ZNF562: variants seen among roughly 807,000 people sequenced by gnomAD.
ZNF562 encodes the protein zinc finger protein 562.
A neutral mutation model predicts 17.5 loss-of-function variants in ZNF562; 13 were observed. The observed-to-expected ratio is 0.74, with a 90% confidence interval of 0.48 to 1.18. The LOEUF is 1.18. Ranked by LOEUF, ZNF562 falls within the 50% of genes most tolerant of loss-of-function variation. The pLI, the probability that ZNF562 is intolerant of heterozygous loss-of-function variation, is 0.00. For synonymous variants in ZNF562, 163 were observed against 165.4 expected (o/e 0.99, Z 0.11); for missense variants, 481 against 498.5 (o/e 0.96, Z 0.33).
chr19:9,648,341 C>T lies in ZNF562; in HGVS notation c.*4608G>A, dbSNP rs577209545. 6.6e-6 allele frequency: 1 copy of T among 152,282 alleles called. No homozygotes were observed. The highest frequency in any genetic ancestry group is 2.1e-4 in the South Asian group (1 of 4,830). 9.4% of individuals were successfully genotyped at this position (152,282 alleles called of 1,614,324 possible). A position where few individuals can be genotyped will look rare whatever the true frequency, so the allele number is the denominator to read the frequency against. ...TATTTTTGACAGAGTCGCACCCTGT[C>T]ACCCAGCATGGAGTGCAGTGGTGCA... On this transcript the variant is annotated 3_prime_UTR_variant, in exon 6 of 6. Transcript: ENST00000453372.
chr19:9,656,406 G>A, intron 5 of ZNF562, 141 bp downstream of exon 5: 1 of 799,868 alleles, frequency 1.3e-6, no homozygotes, highest in Non-Finnish European at 2.0e-6. Context: ...CTACTCGGGA[G>A]GCTGAGGCAA....
At chr19:9,673,747 T>A (rs1012625629) in intron 1 of ZNF562, among the ~76,000 whole-genome samples, 2 of 152,116 alleles carry the variant, frequency 1.3e-5, no homozygotes, top group South Asian at 4.2e-4. Flanking sequence ...GTTTTTTCCA[T>A]CTGAATGTAA....
At chr19:9,657,353 C>T (rs2043538911) in intron 4 of ZNF562, among the ~76,000 whole-genome samples, 1 of 147,058 alleles carries the variant, frequency 6.8e-6, no homozygotes, top group African/African-American at 2.5e-5. Flanking sequence ...GAGATCCTGC[C>T]ACTGCACCCC....
At chr19:9,660,686 G>A in intron 2 of ZNF562, 34 bp downstream of exon 2, 1 of 1,610,396 alleles carries the variant, frequency 6.2e-7, no homozygotes, top group Non-Finnish European at 8.5e-7. Flanking sequence ...ACCTAAAGCA[G>A]AATCTCTGAA....
At chr19:9,662,001 A>G (rs910112289) in intron 1 of ZNF562, among the ~76,000 whole-genome samples, 1 of 152,118 alleles carries the variant, frequency 6.6e-6, no homozygotes, top group African/African-American at 2.4e-5. Flanking sequence ...GGCTCAAACA[A>G]TCCTCCCACC....
intron 1 of ZNF562, among the ~76,000 whole-genome samples, chr19:9,669,734 G>GCACACA (rs71188835): frequency 0.05 from 5,400 of 108,964 alleles, 183 homozygotes; most frequent in East Asian, 0.1. Flanking sequence ...GCGCGCGCGC[G>GCACACA]CACACACACA....
intron 1 of ZNF562, chr19:9,674,544 GACA>G (rs2044330580): frequency 6.6e-6 from 1 of 150,724 alleles, no homozygotes; most frequent in Non-Finnish European, 1.5e-5. Context: ...AGGACATCAA[GACA>G]ACGCCAGATT....
At position 9,645,219 on chromosome 19, in the gene ZNF562, G is replaced by C. The variant is rs1294342736; in HGVS notation, c.*7730C>G. The stretch of plus-strand genomic sequence containing the variant: ...GTGCCACCACACCCAGCTAATTTTT[G>C]TATTTTTAGTAGAGATGGGGGTTCA... On this transcript the variant is annotated 3_prime_UTR_variant, in exon 6 of 6. Transcript: ENST00000453372. 2 of 152,038 alleles carry C rather than the reference G, an allele frequency of 1.3e-5. No individual in the cohort carries two copies. The highest frequency in any genetic ancestry group is 2.1e-4 in the South Asian group (1 of 4,816). The allele number at this position is 152,038 out of a possible 1,614,324, so 9.4% of individuals were successfully genotyped here.
chr19:9,674,117 G>T (rs1302018198), intron 1 of ZNF562, among the ~76,000 whole-genome samples: 6 of 152,216 alleles, frequency 3.9e-5, no homozygotes, highest in African/African-American at 1.4e-4. Context: ...TTCCCCGATG[G>T]CTAGGGTTAG....
At chr19:9,661,009 A>T (rs993879867) in intron 1 of ZNF562, 135 bp from the exon 2 acceptor site, 23 of 359,220 alleles carry the variant, frequency 6.4e-5, no homozygotes, top group Admixed American at 1.7e-4. Context: ...CAGTAATGAT[A>T]GTATTAATAA....
chr19:9,663,728 G>A (rs572504241), intron 1 of ZNF562, among the ~76,000 whole-genome samples: 1 of 151,696 alleles, frequency 6.6e-6, no homozygotes, highest in Non-Finnish European at 1.5e-5. Context: ...CCAGGCTGGA[G>A]TGCAGTGGCG....
intron 1 of ZNF562, among the ~76,000 whole-genome samples, chr19:9,667,189 G>A (rs181310446): frequency 1.2e-3 from 178 of 152,244 alleles, no homozygotes; most frequent in Non-Finnish European, 1.6e-3. Flanking sequence ...GAAATTCATC[G>A]TAGAAATACA....
intron 5 of ZNF562, among the ~76,000 whole-genome samples, chr19:9,654,344 A>C (rs2043379824): frequency 6.6e-6 from 1 of 152,160 alleles, no homozygotes; most frequent in Non-Finnish European, 1.5e-5. Context: ...TCTATAGTGC[A>C]CTGCAGTGAT....
chr19:9,671,127 A>G (rs2044184190), intron 1 of ZNF562, among the ~76,000 whole-genome samples: 1 of 152,220 alleles, frequency 6.6e-6, no homozygotes, highest in Non-Finnish European at 1.5e-5. Context: ...CAACACAGCT[A>G]AGAGAATAAC....
At chr19:9,666,674 A>G (rs77623628) in intron 1 of ZNF562, among the ~76,000 whole-genome samples, 1 of 152,108 alleles carries the variant, frequency 6.6e-6, no homozygotes, top group Non-Finnish European at 1.5e-5. Flanking sequence ...TGACCCAAAT[A>G]AAATAAAAAA....
chr19:9,663,745 C>G (rs1055561931), intron 1 of ZNF562, among the ~76,000 whole-genome samples: 3 of 151,688 alleles, frequency 2.0e-5, no homozygotes, highest in Non-Finnish European at 4.4e-5. Context: ...GGCGCGATCT[C>G]GGCTCACTGC....
At position 9,643,967 on chromosome 19, in the gene ZNF562, T is replaced by G. The variant is rs1284551355; in HGVS notation, c.*8982A>C. On this transcript the variant is annotated 3_prime_UTR_variant, in exon 6 of 6. Coordinates refer to ENST00000453372, the MANE Select transcript of ZNF562 (RefSeq NM_001130031.2). ...ACATGCCACCACGCCCAGCTATATT[T>G]TTTTAGTTTTAGTAGATACAAGGTT... 1 of 152,074 alleles carries G rather than the reference T, an allele frequency of 6.6e-6. No homozygotes were observed. Among genetic ancestry groups the G allele is most frequent in the Non-Finnish European group, 1.5e-5 (1 of 68,016 alleles). 9.4% of individuals were successfully genotyped at this position (152,074 alleles called of 1,614,324 possible).
intron 4 of ZNF562, among the ~76,000 whole-genome samples, chr19:9,657,251 AAAATGAT>A (rs892899424): frequency 6.6e-6 from 1 of 151,478 alleles, no homozygotes; most frequent in Non-Finnish European, 1.5e-5. Flanking sequence ...AGCATATATC[AAAATGAT>A]AAACTTAACA....
rs1296357393 is a variant in ZNF562 at position 9,647,710 on chromosome 19, G to A, written c.*5239C>T. ...TACTAAAAATACAAAAATCAGCCAG[G>A]CAAGGTGGAGGCTGTCTGTAATCTC... On this transcript the variant is annotated 3_prime_UTR_variant, in exon 6 of 6. Transcript: ENST00000453372. The A allele has an allele frequency of 6.6e-6, 1 of 152,030 alleles. No homozygotes were observed. The highest frequency in any genetic ancestry group is 1.5e-5 in the Non-Finnish European group (1 of 68,032). The allele number at this position is 152,030 out of a possible 1,614,324, so 9.4% of individuals were successfully genotyped here. A position where few individuals can be genotyped will look rare whatever the true frequency, so the allele number is the denominator to read the frequency against.
Sources: gnomAD v4.1 joint callset for allele counts (sites outside exome capture counted in the v4.1 genomes callset) on GRCh38, gnomAD v4.1.1 for gene constraint, MANE v1.5 for transcripts, NCBI Gene and HGNC (gene_info 2026-07-23, HGNC 2026-07-21) for gene names.